NALF1: variants seen among roughly 807,000 people sequenced by gnomAD.
The protein encoded by NALF1 is family with sequence similarity 155 member A.
In NALF1, 3 loss-of-function variants were observed where a neutral mutation model predicts 48.4. That is an observed-to-expected ratio of 0.06 (90% CI 0.03 to 0.16). NALF1 has a LOEUF of 0.16. Among genes scored for constraint, NALF1 ranks in the 10% least tolerant of loss-of-function variants. The pLI is 1.00. For missense variants in NALF1, 526 were observed against 571.5 expected (o/e 0.92, Z 0.81); for synonymous variants, 262 against 245.7 (o/e 1.07, Z -0.62).
At chr13:107,540,049 T>TGTACACACACAC (rs1555307598) in intron 1 of NALF1, among the ~76,000 whole-genome samples, 56 of 149,514 alleles carry the variant, frequency 3.7e-4, no homozygotes, top group African/African-American at 1.3e-3. Context: ...GCTTCTGATG[T>TGTACACACACAC]ACACACACAC....
At chr13:107,365,165 G>A (rs768927072) in intron 1 of NALF1, among the ~76,000 whole-genome samples, 15 of 150,556 alleles carry the variant, frequency 1.0e-4, no homozygotes, top group African/African-American at 3.7e-4. Context: ...CCTTGAAAAC[G>A]CTTACCAATG....
In NALF1 at chr13:107,792,757, T is replaced by G. The variant is rs1045928108; in HGVS notation, c.915+72925A>C. ...AGGCTTTGGTGATATAATTTCATGT[T>G]TTATAATGTACCCAAAATTACACTT... On this transcript the variant is annotated intron_variant, in intron 1 of 2. Transcript: ENST00000375915. Among the ~76,000 whole-genome samples, 4 of 152,226 alleles carry G rather than the reference T, an allele frequency of 2.6e-5. No individual in the cohort carries two copies. In the East Asian group the frequency reaches 7.7e-4, roughly 29 times the overall value.
intron 1 of NALF1, among the ~76,000 whole-genome samples, chr13:107,244,850 A>G (rs1226224159): frequency 6.6e-6 from 1 of 152,186 alleles, no homozygotes; most frequent in African/African-American, 2.4e-5. Context: ...TAATTTTTTT[A>G]GCTTCCATAT....
chr13:107,298,297 C>G lies in NALF1; in HGVS notation c.916-87542G>C, dbSNP rs762922054. Among the ~76,000 whole-genome samples, 18 of 114,018 alleles carry G rather than the reference C, an allele frequency of 1.6e-4. No homozygotes were observed. In the Admixed American group the frequency reaches 1.8e-3, roughly 11 times the overall value. 74.8% of individuals were successfully genotyped at this position (114,018 alleles called of 152,430 possible). A position where few individuals can be genotyped will look rare whatever the true frequency, so the allele number is the denominator to read the frequency against. Reference sequence around the variant, plus strand: ...CTCAGGAGGCGGAGCTTGCAGTGAGCAAGGATGGCACCACTGCTCTCCAGC... The same window carrying G: ...CTCAGGAGGCGGAGCTTGCAGTGAGGAAGGATGGCACCACTGCTCTCCAGC... On this transcript the variant is annotated intron_variant, in intron 1 of 2. Transcript: ENST00000375915.
intron 1 of NALF1, among the ~76,000 whole-genome samples, chr13:107,707,634 A>G (rs1438213295): frequency 6.6e-6 from 1 of 152,234 alleles, no homozygotes; most frequent in Non-Finnish European, 1.5e-5. Context: ...ACTGTGTGCA[A>G]TGTCAGGATA....
chr13:107,473,455 G>A (rs576355928), intron 1 of NALF1, among the ~76,000 whole-genome samples: 2 of 152,150 alleles, frequency 1.3e-5, no homozygotes, highest in Admixed American at 6.5e-5. Flanking sequence ...TAAAACGCAA[G>A]GTCAGCATTT....
chr13:107,274,026 ATC>A (rs1393137495), intron 1 of NALF1, among the ~76,000 whole-genome samples: 1 of 92,670 alleles, frequency 1.1e-5, no homozygotes, highest in Admixed American at 1.4e-4. Flanking sequence ...AGGTCCAGTG[ATC>A]TGTTTTGATT....
At chr13:107,627,730 C>T (rs1295735466) in intron 1 of NALF1, among the ~76,000 whole-genome samples, 2 of 152,002 alleles carry the variant, frequency 1.3e-5, no homozygotes, top group Non-Finnish European at 2.9e-5. Flanking sequence ...CCCTGTCATC[C>T]CATAGGCTAT....
chr13:107,232,079 G>A (rs1483255524), intron 1 of NALF1, among the ~76,000 whole-genome samples: 1 of 152,206 alleles, frequency 6.6e-6, no homozygotes, highest in African/African-American at 2.4e-5. Flanking sequence ...CATTAACAAG[G>A]CAGGTCTGGG....
intron 2 of NALF1, among the ~76,000 whole-genome samples, chr13:107,171,543 C>A (rs1458577735): frequency 6.6e-6 from 1 of 152,330 alleles, no homozygotes; most frequent in East Asian, 1.9e-4. Flanking sequence ...TCTTCACTTT[C>A]TTCCTCCTTG....
At chr13:107,372,728 G>C (rs1883268388) in intron 1 of NALF1, among the ~76,000 whole-genome samples, 2 of 152,292 alleles carry the variant, frequency 1.3e-5, no homozygotes, top group South Asian at 2.1e-4. Context: ...GTGTTCTACA[G>C]AATACCTACC....
chr13:107,369,867 T>C (rs542164555), intron 1 of NALF1, among the ~76,000 whole-genome samples: 2 of 152,220 alleles, frequency 1.3e-5, no homozygotes, highest in Non-Finnish European at 1.5e-5. Flanking sequence ...GAGGCCAATG[T>C]AAGATGATAG....
chr13:107,757,960 T>C (rs2138558604), intron 1 of NALF1, among the ~76,000 whole-genome samples: 1 of 152,316 alleles, frequency 6.6e-6, no homozygotes. Context: ...TACATTATTT[T>C]CCACTATCAA....
intron 1 of NALF1, among the ~76,000 whole-genome samples, chr13:107,369,012 T>C (rs2138962725): frequency 6.6e-6 from 1 of 152,360 alleles, no homozygotes; most frequent in Non-Finnish European, 1.5e-5. Flanking sequence ...CGAAATGCAG[T>C]TCCCTGCCTG....
At chr13:107,248,692 T>C (rs1228921193) in intron 1 of NALF1, among the ~76,000 whole-genome samples, 3 of 151,232 alleles carry the variant, frequency 2.0e-5, no homozygotes, top group African/African-American at 7.3e-5. Flanking sequence ...TGTGTTAATA[T>C]TGGACAGCAC....
intron 1 of NALF1, among the ~76,000 whole-genome samples, chr13:107,600,178 T>C (rs959604497): frequency 7.9e-5 from 12 of 152,174 alleles, no homozygotes; most frequent in African/African-American, 1.2e-4. Flanking sequence ...AGGTTGAAGG[T>C]TGTGTGTTAC....
intron 1 of NALF1, among the ~76,000 whole-genome samples, chr13:107,368,278 G>C (rs1883186443): frequency 6.6e-6 from 1 of 151,766 alleles, no homozygotes; most frequent in Non-Finnish European, 1.5e-5. Context: ...TTTCTTGTCT[G>C]CTGTAATTAG....
chr13:107,275,896 G>C (rs1193957169), intron 1 of NALF1, among the ~76,000 whole-genome samples: 3 of 152,102 alleles, frequency 2.0e-5, no homozygotes, highest in Non-Finnish European at 4.4e-5. Flanking sequence ...GAGCCACTTC[G>C]AGCTCATGCA....
intron 1 of NALF1, among the ~76,000 whole-genome samples, chr13:107,508,646 A>G (rs1875777676): frequency 6.6e-6 from 1 of 152,082 alleles, no homozygotes; most frequent in African/African-American, 2.4e-5. Context: ...TTCAAATTCA[A>G]GTTGTTTTTT....
Sources: gnomAD v4.1 joint callset for allele counts (sites outside exome capture counted in the v4.1 genomes callset) on GRCh38, gnomAD v4.1.1 for gene constraint, MANE v1.5 for transcripts, NCBI Gene and HGNC (gene_info 2026-07-23, HGNC 2026-07-21) for gene names.